The following FBXL18 variants were observed in gnomAD, a reference collection of about 807,000 sequenced individuals.
FBXL18 encodes F-box and leucine rich repeat protein 18, also known as F-box/LRR-repeat protein 18.
A neutral mutation model predicts 46.0 loss-of-function variants in FBXL18; 36 were observed. The ratio of observed to expected loss-of-function variants is 0.78; its 90% CI spans 0.60 to 1.03. The LOEUF (loss-of-function observed/expected upper bound fraction) is 1.03. FBXL18 is among the 50% of genes least tolerant of loss of function. The probability of loss-of-function intolerance (pLI) is 0.00; values close to 1 mark genes in which losing one functional copy is unlikely to be tolerated. For missense variants in FBXL18, 977 were observed against 1,004.1 expected (o/e 0.97, Z 0.36); for synonymous variants, 557 against 465.3 (o/e 1.20, Z -2.54).
At chr7:5,491,493 G>A (rs371175397) in intron 3 of FBXL18, 44 bp from the exon 4 acceptor site, 9 of 1,483,352 alleles carry the variant, frequency 6.1e-6, no homozygotes, top group East Asian at 4.9e-5. Context: ...GGAGGGGCTC[G>A]CAGGCCAGGC....
At chr7:5,461,981 T>C (rs1401804523) in intron 4 of FBXL18, among the ~76,000 whole-genome samples, 24 of 151,822 alleles carry the variant, frequency 1.6e-4, no homozygotes, top group Non-Finnish European at 2.9e-5. Flanking sequence ...CTGGGCACAG[T>C]GGTTCACTCC....
intron 1 of FBXL18, among the ~76,000 whole-genome samples, chr7:5,507,100 T>G (rs1784413033): frequency 1.3e-5 from 2 of 152,090 alleles, no homozygotes; most frequent in African/African-American, 2.4e-5. Flanking sequence ...CGGAATCATC[T>G]CCACTACATC....
intron 4 of FBXL18, among the ~76,000 whole-genome samples, chr7:5,482,571 G>A (rs556516264): frequency 7.0e-4 from 88 of 125,238 alleles, no homozygotes; most frequent in Non-Finnish European, 1.1e-3. Context: ...CAATTGCCAC[G>A]GGGTGCCCAC....
intron 2 of FBXL18, among the ~76,000 whole-genome samples, chr7:5,504,915 C>CAAAAAAAAA (rs59985346): frequency 2.3e-4 from 7 of 30,050 alleles, no homozygotes; most frequent in African/African-American, 4.1e-4. Context: ...GACTCCATCT[C>CAAAAAAAAA]AAAAAAAAAA....
intron 1 of FBXL18, among the ~76,000 whole-genome samples, chr7:5,506,602 G>A (rs183685385): frequency 6.6e-6 from 1 of 151,454 alleles, no homozygotes; most frequent in African/African-American, 2.4e-5. Context: ...TGTGGCCCAG[G>A]CTGGAGTGCA....
intron 4 of FBXL18, among the ~76,000 whole-genome samples, chr7:5,463,728 A>ATTTATTTATTTTTTTTTTTTTTTTTTTT (rs1562672288): frequency 5.7e-5 from 3 of 53,008 alleles, no homozygotes; most frequent in Non-Finnish European, 1.0e-4. Context: ...TTATTTATTT[A>ATTTATTTATTTTTTTTTTTTTTTTTTTT]TTTTTTTTTT....
At chr7:5,463,716 A>ATATATAT (rs1562672225) in intron 4 of FBXL18, among the ~76,000 whole-genome samples, 6 of 61,416 alleles carry the variant, frequency 9.8e-5, no homozygotes, top group Non-Finnish European at 1.5e-4. Flanking sequence ...TTATTTATTT[A>ATATATAT]TTTATTTATT....
intron 4 of FBXL18, among the ~76,000 whole-genome samples, chr7:5,486,292 G>A (rs1394706748): frequency 6.9e-6 from 1 of 144,714 alleles, no homozygotes. Context: ...GGTGGCACAT[G>A]CCTCTAATCC....
chr7:5,494,939 C>T (rs2128236302), intron 3 of FBXL18, among the ~76,000 whole-genome samples: 1 of 152,366 alleles, frequency 6.6e-6, no homozygotes, highest in East Asian at 1.9e-4. Flanking sequence ...AGTCACCTGT[C>T]ACAGGTGTTC....
chr7:5,513,013 G>A (rs963458893), intron 1 of FBXL18, among the ~76,000 whole-genome samples: 2 of 152,194 alleles, frequency 1.3e-5, no homozygotes, highest in African/African-American at 4.8e-5. Flanking sequence ...AGATAGGCAG[G>A]AAGCATCAAC....
intron 4 of FBXL18, among the ~76,000 whole-genome samples, chr7:5,488,456 G>C (rs190063612): frequency 2.0e-5 from 3 of 151,712 alleles, no homozygotes; most frequent in Non-Finnish European, 4.4e-5. Flanking sequence ...GATCGTGGAC[G>C]TTCTCCGCTG....
Position 5,496,887 on chromosome 7 carries a change from C to T in FBXL18, c.1781+3601G>A, listed in dbSNP as rs1057365667. Among the ~76,000 whole-genome samples, 3 of 151,834 alleles carry T rather than the reference C, an allele frequency of 2.0e-5. No individual in the cohort carries two copies. The highest frequency in any genetic ancestry group is 2.4e-5 in the African/African-American group (1 of 41,322). ...CTAAAAATACAAAAAAAAAATTAGC[C>T]GAGTATGGTGGTGGGCACCTGTAAT... On this transcript the variant is annotated intron_variant, in intron 3 of 4. Transcript: ENST00000382368. The surrounding 1 kb of genome is among the most constrained non-coding windows in gnomAD (Gnocchi z 4.8).
At chr7:5,460,834 C>T (rs1783233992) in intron 4 of FBXL18, among the ~76,000 whole-genome samples, 1 of 152,192 alleles carries the variant, frequency 6.6e-6, no homozygotes, top group Non-Finnish European at 1.5e-5. Flanking sequence ...TGCACATTGC[C>T]GCCCCTCTGC....
chr7:5,509,872 G>A (rs1784485841), intron 1 of FBXL18, among the ~76,000 whole-genome samples: 1 of 151,868 alleles, frequency 6.6e-6, no homozygotes, highest in Non-Finnish European at 1.5e-5. Flanking sequence ...CTCCATCTCC[G>A]GCCAGAGGAC....
At position 5,513,683 on chromosome 7, in the gene FBXL18, C is replaced by G. The variant is rs1239183012; in HGVS notation, c.-9G>C. 1 of 1,604,326 alleles carries G rather than the reference C, an allele frequency of 6.2e-7. No homozygotes were observed. Among genetic ancestry groups the G allele is most frequent in the East Asian group, 2.3e-5 (1 of 44,320 alleles). ...TCTCCGGAGCTGGCCATGTCGCCGG[C>G]GGGTCCGAACCGCGGCCGCGGGATC... On this transcript the variant is annotated 5_prime_UTR_variant, in exon 1 of 5. Coordinates refer to ENST00000382368, the MANE Select transcript of FBXL18 (RefSeq NM_024963.6).
chr7:5,483,851 T>C (rs1164825629), intron 4 of FBXL18, among the ~76,000 whole-genome samples: 6 of 151,960 alleles, frequency 3.9e-5, no homozygotes, highest in Non-Finnish European at 7.4e-5. Context: ...CAACACTAAG[T>C]CAAGTCCCCC....
chr7:5,462,334 C>T (rs891845338), intron 4 of FBXL18, among the ~76,000 whole-genome samples: 5 of 152,168 alleles, frequency 3.3e-5, no homozygotes, highest in Non-Finnish European at 5.9e-5. Context: ...TTCACTTGCC[C>T]GAGGCCGGTA....
In FBXL18 at chr7:5,492,138, C is replaced by A. The variant is rs1249532006; in HGVS notation, c.1782-689G>T. On this transcript the variant is annotated intron_variant, in intron 3 of 4. Coordinates refer to ENST00000382368, the MANE Select transcript of FBXL18 (RefSeq NM_024963.6). Reference sequence around the variant, plus strand: ...CAAGTCCGCACCAAGGCTACAGTGACAGAGACCAAGACGGGAGAACCCAGG... The same window carrying A: ...CAAGTCCGCACCAAGGCTACAGTGAAAGAGACCAAGACGGGAGAACCCAGG... 2.0e-5 allele frequency among the ~76,000 whole-genome samples: 3 copies of A among 150,206 alleles called. No individual in the cohort carries two copies. The East Asian group carries it at 5.9e-4, about 29-fold the overall frequency.
Position 5,501,489 on chromosome 7 carries a change from C to G in FBXL18, c.780G>C (p.Gln260His). The change falls in exon 3 of 5, where the codon CAG becomes CAC. Residue 260 changes from glutamine to histidine, a missense_variant. Physicochemically the swap from Gln to His is conservative, Grantham distance 24. Coordinates refer to ENST00000382368, the MANE Select transcript of FBXL18 (RefSeq NM_024963.6). ...YLAVLSDRTP[Q>H]NLHAFLISVP... ...CGGAGATGAGGAAGGCGTGGAGGTT[C>G]TGAGGAGTGCGGTCGCTAAGCACAG... The G allele has an allele frequency of 6.2e-7, 1 of 1,613,932 alleles. No homozygotes were observed. The highest frequency in any genetic ancestry group is 8.5e-7 in the Non-Finnish European group (1 of 1,180,018).
Sources: allele counts gnomAD v4.1 joint callset (sites outside exome capture counted in the v4.1 genomes callset), GRCh38; gene constraint gnomAD v4.1.1; non-coding constraint Gnocchi (gnomAD v3.1); transcripts MANE v1.5; gene names NCBI Gene and HGNC (gene_info 2026-07-23, HGNC 2026-07-21).